GPHN: variants seen among roughly 807,000 people sequenced by gnomAD.
GPHN encodes gephyrin.
In GPHN, 17 loss-of-function variants were observed where a neutral mutation model predicts 95.5. That is an observed-to-expected ratio of 0.18 (90% CI 0.12 to 0.27). The LOEUF (loss-of-function observed/expected upper bound fraction) is 0.27. Among genes scored for constraint, GPHN ranks in the 10% least tolerant of loss-of-function variants. The pLI is 1.00. For missense variants in GPHN, 660 were observed against 978.1 expected, an observed-to-expected ratio of 0.67 and a Z score of 4.34; for synonymous variants, 320 against 322.5, an observed-to-expected ratio of 0.99 and a Z score of 0.08.
At chr14:66,808,502 A>G (rs577964721) in intron 3 of GPHN, among the ~76,000 whole-genome samples, 3 of 152,362 alleles carry the variant, frequency 2.0e-5, no homozygotes, top group East Asian at 1.9e-4. Context: ...TATCAAATTT[A>G]TGTATAAAAT....
At chr14:66,513,464 A>G (rs2139707007) in intron 1 of GPHN, among the ~76,000 whole-genome samples, 1 of 151,888 alleles carries the variant, frequency 6.6e-6, no homozygotes, top group East Asian at 1.9e-4. Context: ...TAAGTTGAAC[A>G]GGGTGTTTTT....
At chr14:66,898,023 A>C (rs887945433) in intron 5 of GPHN, among the ~76,000 whole-genome samples, 4 of 152,062 alleles carry the variant, frequency 2.6e-5, no homozygotes, top group African/African-American at 7.2e-5. Flanking sequence ...GCATCTGTTC[A>C]GGTGTTTTGC....
At chr14:67,327,934 A>G in the GPHN span, among the ~76,000 whole-genome samples, 1 of 152,226 alleles carries the variant, frequency 6.6e-6, no homozygotes, top group Non-Finnish European at 1.5e-5. Flanking sequence ...ATAGTGCTGC[A>G]GTCAATGTAC....
At chr14:66,577,144 G>A (rs186187713) in intron 1 of GPHN, among the ~76,000 whole-genome samples, 4 of 152,268 alleles carry the variant, frequency 2.6e-5, no homozygotes, top group African/African-American at 7.2e-5. Context: ...CTGAGATTCT[G>A]CATTTCTAAC....
rs532375291 is a variant in GPHN at position 66,681,494 on chromosome 14, T to G, written c.143+309T>G. Reference sequence around the variant, plus strand: ...GTTGATTTCCTTGGGAAAGAGAGATTGAATTTGTTTACAACAATTTGAAGT... The same window carrying G: ...GTTGATTTCCTTGGGAAAGAGAGATGGAATTTGTTTACAACAATTTGAAGT... On this transcript the variant is annotated intron_variant, in intron 2 of 22. Coordinates refer to ENST00000478722, the MANE Select transcript of GPHN (RefSeq NM_020806.5). Among the ~76,000 whole-genome samples, 4 of 152,296 alleles carry G rather than the reference T, an allele frequency of 2.6e-5. No individual in the cohort carries two copies. In the South Asian group the frequency reaches 8.3e-4, roughly 32 times the overall value.
intron 4 of GPHN, among the ~76,000 whole-genome samples, chr14:66,840,519 G>A (rs979190324): frequency 2.6e-5 from 4 of 152,102 alleles, no homozygotes; most frequent in Non-Finnish European, 5.9e-5. Flanking sequence ...TAGGCATATG[G>A]TCTCTGTCAA....
intron 2 of GPHN, among the ~76,000 whole-genome samples, chr14:66,747,975 T>C (rs2058220475): frequency 6.6e-6 from 1 of 152,092 alleles, no homozygotes; most frequent in Admixed American, 6.6e-5. Context: ...TAAACTGTGA[T>C]GATGTATCAA....
At chr14:66,667,955 C>T (rs1217451628) in intron 1 of GPHN, among the ~76,000 whole-genome samples, 2 of 151,992 alleles carry the variant, frequency 1.3e-5, no homozygotes, top group Non-Finnish European at 2.9e-5. Context: ...GAAAAACCAC[C>T]CCATTAAGAC....
intron 1 of GPHN, among the ~76,000 whole-genome samples, chr14:66,546,897 G>T (rs2059625338): frequency 1.3e-5 from 2 of 152,200 alleles, no homozygotes. Context: ...GATATTAAAT[G>T]TGATAATGTA....
At chr14:67,632,767 G>A in the GPHN span, among the ~76,000 whole-genome samples, 2 of 143,530 alleles carry the variant, frequency 1.4e-5, no homozygotes, top group South Asian at 2.2e-4. Flanking sequence ...AGGAAGGGAG[G>A]TCTCTTTCTT....
At chr14:67,477,161 C>T in the GPHN span, among the ~76,000 whole-genome samples, 177 of 113,860 alleles carry the variant, frequency 1.6e-3, no homozygotes, top group South Asian at 0.014. Context: ...AGCGAAACTC[C>T]ATCTCAAAAA....
At chr14:67,203,253 C>T in the GPHN span, 1 of 1,605,062 alleles carries the variant, frequency 6.2e-7, no homozygotes, top group South Asian at 1.1e-5. Flanking sequence ...GTTTAAAAGT[C>T]TCCTGACATC....
At chr14:67,003,960 G>C (rs562435755) in intron 9 of GPHN, among the ~76,000 whole-genome samples, 1 of 151,750 alleles carries the variant, frequency 6.6e-6, no homozygotes, top group Admixed American at 6.6e-5. Flanking sequence ...TTAATCAGAT[G>C]TGGTGAGCTA....
At chr14:67,336,460 C>A in the GPHN span, 2 of 258,906 alleles carry the variant, frequency 7.7e-6, no homozygotes, top group Admixed American at 9.8e-5. Context: ...TTAACAAGGC[C>A]AATACATTCC....
chr14:67,419,189 C>G, the GPHN span, among the ~76,000 whole-genome samples: 1 of 152,132 alleles, frequency 6.6e-6, no homozygotes, highest in Non-Finnish European at 1.5e-5. Flanking sequence ...TTCCTGGAGG[C>G]TAGGCTTTTG....
chr14:67,027,121 A>G (rs1386653498), intron 10 of GPHN, among the ~76,000 whole-genome samples: 2 of 152,220 alleles, frequency 1.3e-5, no homozygotes, highest in African/African-American at 2.4e-5. Context: ...AAATTGTTTT[A>G]TTACCACGTG....
chr14:67,023,734 A>C, intron 10 of GPHN, 59 bp downstream of exon 10: 3 of 1,363,920 alleles, frequency 2.2e-6, no homozygotes, highest in Non-Finnish European at 3.1e-6. Context: ...GCTAAAAATG[A>C]TATTTTGGTG....
At chr14:66,795,259 C>G (rs1279101399) in intron 3 of GPHN, among the ~76,000 whole-genome samples, 1 of 152,072 alleles carries the variant, frequency 6.6e-6, no homozygotes, top group African/African-American at 2.4e-5. Context: ...AATGCTACAA[C>G]CAGTCTATTT....
chr14:66,602,207 G>A (rs1264562257), intron 1 of GPHN, among the ~76,000 whole-genome samples: 1 of 151,924 alleles, frequency 6.6e-6, no homozygotes, highest in Non-Finnish European at 1.5e-5. Context: ...GTGTTGATCA[G>A]TGTTCTTCCA....
Sources: gnomAD v4.1 joint callset for allele counts (sites outside exome capture counted in the v4.1 genomes callset) on GRCh38, gnomAD v4.1.1 for gene constraint, MANE v1.5 for transcripts, NCBI Gene and HGNC (gene_info 2026-07-23, HGNC 2026-07-21) for gene names.